Variants in RBFOX1 observed in about 807,000 individuals in gnomAD.
RBFOX1 encodes the protein RNA binding fox-1 homolog 1.
RBFOX1 carries 8 observed loss-of-function variants against 57.7 expected under a neutral mutation model. The observed-to-expected ratio is 0.14, with a 90% confidence interval of 0.08 to 0.25. The LOEUF is 0.25. Ranked by LOEUF, RBFOX1 falls within the 10% of genes least tolerant of loss-of-function variation. RBFOX1 has a pLI of 1.00. For missense variants in RBFOX1, 611 were observed against 548.5 expected, an observed-to-expected ratio of 1.11 and a Z score of -1.14; for synonymous variants, 326 against 222.4, an observed-to-expected ratio of 1.47 and a Z score of -4.15.
chr16:6,172,380 T>A (rs1449690265), intron 1 of RBFOX1, among the ~76,000 whole-genome samples: 1 of 152,190 alleles, frequency 6.6e-6, no homozygotes, highest in Non-Finnish European at 1.5e-5. Context: ...AAGCCCAACC[T>A]CTGCTTCATC....
chr16:7,345,345 C>T (rs948524653), intron 4 of RBFOX1, among the ~76,000 whole-genome samples: 12 of 152,168 alleles, frequency 7.9e-5, no homozygotes, highest in Admixed American at 3.3e-4. Context: ...TTTGACAGAA[C>T]ATGTGAAATT....
At chr16:6,748,749 G>C (rs17141227) in intron 3 of RBFOX1, among the ~76,000 whole-genome samples, 13,533 of 152,172 alleles carry the variant, frequency 0.089, 747 homozygotes, top group East Asian at 0.16. Context: ...AGATTTTGAA[G>C]TTGGCTTAGA....
At chr16:7,690,545 CGGGTCTGT>C (rs1357276581) in intron 14 of RBFOX1, among the ~76,000 whole-genome samples, 1 of 152,084 alleles carries the variant, frequency 6.6e-6, no homozygotes, top group African/African-American at 2.4e-5. Flanking sequence ...TTTAAATTCA[CGGGTCTGT>C]GTTGAGAGAA....
intron 1 of RBFOX1, among the ~76,000 whole-genome samples, chr16:5,439,949 G>A (rs1040932025): frequency 6.6e-6 from 1 of 152,188 alleles, no homozygotes; most frequent in Admixed American, 6.5e-5. Context: ...CTGGCAGCTT[G>A]GAAGTGCCTT....
intron 3 of RBFOX1, among the ~76,000 whole-genome samples, chr16:6,933,816 C>T (rs1392890307): frequency 6.6e-6 from 1 of 152,160 alleles, no homozygotes; most frequent in Non-Finnish European, 1.5e-5. Context: ...CCAAAATTTT[C>T]ATGCAGTGTT....
chr16:7,407,373 G>GGGGTGTGTGTGT (rs1011842452), intron 4 of RBFOX1, among the ~76,000 whole-genome samples: 4 of 149,556 alleles, frequency 2.7e-5, no homozygotes, highest in African/African-American at 9.9e-5. Context: ...GATTTGTATG[G>GGGGTGTGTGTGT]GTGTGTGTGT....
upstream of RBFOX1, among the ~76,000 whole-genome samples, chr16:6,016,726 G>T (rs1360459617): frequency 6.6e-6 from 1 of 152,166 alleles, no homozygotes; most frequent in African/African-American, 2.4e-5. Context: ...CCATAGCAGG[G>T]CGATTCTTGG....
intron 2 of RBFOX1, among the ~76,000 whole-genome samples, chr16:6,524,149 C>G (rs1490073436): frequency 6.6e-6 from 1 of 152,190 alleles, no homozygotes; most frequent in African/African-American, 2.4e-5. Flanking sequence ...CCGACACTAC[C>G]TTTCCCAGCC....
At chr16:5,783,861 A>G (rs2054407071) in intron 3 of RBFOX1, among the ~76,000 whole-genome samples, 1 of 152,132 alleles carries the variant, frequency 6.6e-6, no homozygotes, top group Non-Finnish European at 1.5e-5. Context: ...CAAAGTAAGG[A>G]TCATAATGGG....
intron 1 of RBFOX1, among the ~76,000 whole-genome samples, chr16:5,364,692 T>G (rs1256812036): frequency 6.6e-6 from 1 of 152,248 alleles, no homozygotes; most frequent in African/African-American, 2.4e-5. Flanking sequence ...CCTGGGTACC[T>G]GCTTCTCTTT....
At chr16:7,419,925 C>CTTTTTTTTTTTTTTTTTTTTTT (rs367626244) in intron 4 of RBFOX1, among the ~76,000 whole-genome samples, 4 of 101,732 alleles carry the variant, frequency 3.9e-5, no homozygotes, top group Non-Finnish European at 5.7e-5. Context: ...TTCTTTCTTC[C>CTTTTTTTTTTTTTTTTTTTTTT]TTTTTTTTTT....
intron 1 of RBFOX1, among the ~76,000 whole-genome samples, chr16:6,193,425 T>TATATAA (rs1243693521): frequency 3.6e-4 from 38 of 106,488 alleles, no homozygotes; most frequent in African/African-American, 4.7e-4. Flanking sequence ...TATATATATA[T>TATATAA]AAAATTCAGT....
chr16:6,577,792 C>A (rs1002265681), intron 2 of RBFOX1, among the ~76,000 whole-genome samples: 1 of 152,196 alleles, frequency 6.6e-6, no homozygotes, highest in Non-Finnish European at 1.5e-5. Context: ...GCCTCCTTTT[C>A]CCTCCTGTAT....
intron 1 of RBFOX1, among the ~76,000 whole-genome samples, chr16:5,247,043 C>CACTTAACG (rs1388180727): frequency 2.0e-5 from 3 of 152,184 alleles, no homozygotes; most frequent in Admixed American, 6.5e-5. Context: ...TGGCTTATTT[C>CACTTAACG]ACTTAACGTA....
chr16:7,558,198 A>G (rs2089296632), intron 5 of RBFOX1, among the ~76,000 whole-genome samples: 1 of 152,064 alleles, frequency 6.6e-6, no homozygotes. Flanking sequence ...CACTAAAAAT[A>G]CAAAAATTAG....
chr16:7,681,474 G>T (rs980064503), intron 14 of RBFOX1, among the ~76,000 whole-genome samples: 1 of 152,070 alleles, frequency 6.6e-6, no homozygotes, highest in African/African-American at 2.4e-5. Context: ...AATTTTTCTG[G>T]CCTCAGATTA....
At chr16:5,725,704 G>A (rs928602356) in intron 3 of RBFOX1, among the ~76,000 whole-genome samples, 2 of 151,800 alleles carry the variant, frequency 1.3e-5, no homozygotes, top group African/African-American at 4.8e-5. Context: ...CACCTGGCAT[G>A]GGGGAAATCC....
chr16:6,259,069 G>C (rs2097686263), intron 1 of RBFOX1, among the ~76,000 whole-genome samples: 1 of 152,150 alleles, frequency 6.6e-6, no homozygotes, highest in Non-Finnish European at 1.5e-5. Flanking sequence ...AGGGTATTCG[G>C]TATTTAATTT....
intron 1 of RBFOX1, among the ~76,000 whole-genome samples, chr16:5,418,630 C>T (rs1192360563): frequency 6.6e-6 from 1 of 152,016 alleles, no homozygotes; most frequent in Non-Finnish European, 1.5e-5. Flanking sequence ...CCTAACCACC[C>T]CGCCATACCT....
Sources: allele counts gnomAD v4.1 joint callset (sites outside exome capture counted in the v4.1 genomes callset), GRCh38; gene constraint gnomAD v4.1.1; transcripts MANE v1.5; gene names NCBI Gene and HGNC (gene_info 2026-07-23, HGNC 2026-07-21).